Variants in MINDY2 observed in about 807,000 individuals in gnomAD.
The protein encoded by MINDY2 is MINDY lysine 48 deubiquitinase 2, also known as ubiquitin carboxyl-terminal hydrolase MINDY-2.
A neutral mutation model predicts 68.2 loss-of-function variants in MINDY2; 52 were observed. That is an observed-to-expected ratio of 0.76 (90% confidence interval 0.61 to 0.96). The LOEUF is 0.96. Among genes scored for constraint, MINDY2 ranks in the 40% least tolerant of loss-of-function variants. The probability of loss-of-function intolerance (pLI) is 0.00; values close to 1 mark genes in which losing one functional copy is unlikely to be tolerated. For synonymous variants in MINDY2, 372 were observed against 303.0 expected, an observed-to-expected ratio of 1.23 and a Z score of -2.36; for missense variants, 881 against 773.4, an observed-to-expected ratio of 1.14 and a Z score of -1.65.
chr15:58,859,471 T>C lies in MINDY2; in HGVS notation c.*4861T>C, dbSNP rs1259970091. The C allele has an allele frequency of 6.6e-6, 1 of 152,184 alleles. No homozygotes were observed. Among genetic ancestry groups the C allele is most frequent in the African/African-American group, 2.4e-5 (1 of 41,446 alleles). The allele number at this position is 152,184 out of a possible 1,614,324, so 9.4% of individuals were successfully genotyped here. ...CCTTTTAGAAAGTGACTGAAAATGG[T>C]AAAGGAACTCATCAGAATCTTAGCG... is the stretch of plus-strand genomic sequence containing the variant. On this transcript the variant is annotated 3_prime_UTR_variant, in exon 9 of 9. Transcript: ENST00000559228.
At chr15:58,796,007 C>G (rs1488309892) in intron 2 of MINDY2, 2 of 442,724 alleles carry the variant, frequency 4.5e-6, no homozygotes, top group East Asian at 7.0e-5. Flanking sequence ...CTCTTTATGA[C>G]TTGGCAGTGT....
chr15:58,816,060 T>G (rs1178132502), intron 4 of MINDY2, among the ~76,000 whole-genome samples: 2 of 152,230 alleles, frequency 1.3e-5, no homozygotes, highest in Non-Finnish European at 2.9e-5. Flanking sequence ...CAGCATAGTA[T>G]TTAGAACAGT....
intron 8 of MINDY2, among the ~76,000 whole-genome samples, chr15:58,852,429 G>A (rs1430467668): frequency 6.6e-5 from 10 of 151,832 alleles, no homozygotes; most frequent in Non-Finnish European, 1.0e-4. Flanking sequence ...CTTGTATCTC[G>A]TTTAGTAAAA....
chr15:58,782,911 GTTT>G (rs1157376592), intron 1 of MINDY2, among the ~76,000 whole-genome samples: 17 of 64,492 alleles, frequency 2.6e-4, no homozygotes, highest in East Asian at 8.1e-4. Context: ...TTTTCTCTCT[GTTT>G]TTTTTTTTTT....
intron 8 of MINDY2, among the ~76,000 whole-genome samples, chr15:58,852,922 G>GTTTTTGTTTT (rs2032893601): frequency 2.0e-5 from 1 of 48,930 alleles, no homozygotes; most frequent in Non-Finnish European, 4.0e-5. Context: ...TGCTGTTCCT[G>GTTTTTGTTTT]TTTTTTTTTT....
intron 6 of MINDY2, among the ~76,000 whole-genome samples, chr15:58,839,989 C>T (rs983768727): frequency 6.6e-6 from 1 of 152,018 alleles, no homozygotes; most frequent in African/African-American, 2.4e-5. Context: ...TGTGCCACCA[C>T]GCTCAGCTAA....
chr15:58,812,779 G>A (rs550365017), intron 4 of MINDY2, among the ~76,000 whole-genome samples: 2 of 152,304 alleles, frequency 1.3e-5, no homozygotes, highest in East Asian at 1.9e-4. Flanking sequence ...GATCACTTGT[G>A]CCCAGGAGGT....
intron 6 of MINDY2, among the ~76,000 whole-genome samples, chr15:58,839,751 G>A (rs2141039299): frequency 6.6e-6 from 1 of 152,000 alleles, no homozygotes; most frequent in Admixed American, 6.5e-5. Context: ...ACCTGCACCT[G>A]GACAAAGTAT....
intron 2 of MINDY2, among the ~76,000 whole-genome samples, chr15:58,798,628 G>A (rs1442320275): frequency 6.6e-6 from 1 of 151,610 alleles, no homozygotes; most frequent in Non-Finnish European, 1.5e-5. Context: ...GCTAATTTTT[G>A]TATTTTTAGT....
rs1392392039 is a variant in MINDY2 at position 58,797,484 on chromosome 15, GGTGACAAA to G, written c.899-4824_899-4817del. The stretch of plus-strand genomic sequence containing the variant: ...GTTTGTGCCACTGTACTCCAGCCTG[GGTGACAAA>G]GTGAGACCCTATCTCAAACAAACAA... On this transcript the variant is annotated intron_variant, in intron 2 of 8. Transcript: ENST00000559228. Among the ~76,000 whole-genome samples the G allele has an allele frequency of 2.0e-5, 3 of 152,092 alleles. No individual in the cohort carries two copies. In the East Asian group the frequency reaches 5.8e-4, roughly 29 times the overall value.
At chr15:58,833,614 CAAGGT>C (rs1387971343) in intron 6 of MINDY2, among the ~76,000 whole-genome samples, 1 of 152,088 alleles carries the variant, frequency 6.6e-6, no homozygotes, top group Non-Finnish European at 1.5e-5. Flanking sequence ...GCATCATAAA[CAAGGT>C]AAAGAAAAAA....
At chr15:58,843,553 T>G (rs1342724273) in intron 6 of MINDY2, among the ~76,000 whole-genome samples, 1 of 152,148 alleles carries the variant, frequency 6.6e-6, no homozygotes, top group Admixed American at 6.6e-5. Flanking sequence ...GAAAACCTAT[T>G]CTGTCCAGAA....
chr15:58,796,213 G>A (rs1320787400), intron 2 of MINDY2: 2 of 448,258 alleles, frequency 4.5e-6, no homozygotes, highest in African/African-American at 2.0e-5. Flanking sequence ...ACTTGTATCC[G>A]GCTTTGAAGC....
chr15:58,780,028 A>G (rs537118965), intron 1 of MINDY2, among the ~76,000 whole-genome samples: 1 of 152,334 alleles, frequency 6.6e-6, no homozygotes, highest in East Asian at 1.9e-4. Context: ...ATTATTTTAC[A>G]TGCATTGTAT....
intron 6 of MINDY2, among the ~76,000 whole-genome samples, chr15:58,833,072 G>T (rs1041873215): frequency 3.9e-4 from 59 of 151,944 alleles, no homozygotes; most frequent in African/African-American, 1.3e-3. Context: ...ATCTCTTATA[G>T]CCATTCTTTT....
At chr15:58,787,428 T>C (rs1451632194) in intron 1 of MINDY2, among the ~76,000 whole-genome samples, 1 of 152,032 alleles carries the variant, frequency 6.6e-6, no homozygotes, top group African/African-American at 2.4e-5. Flanking sequence ...ACCTAATAAA[T>C]AGAATAATAC....
chr15:58,860,062 A>T lies in MINDY2; in HGVS notation c.*5452A>T, dbSNP rs2033172844. The T allele has an allele frequency of 6.6e-6, 1 of 152,192 alleles. No homozygotes were observed. The highest frequency in any genetic ancestry group is 2.4e-5 in the African/African-American group (1 of 41,458). 9.4% of individuals were successfully genotyped at this position (152,192 alleles called of 1,614,324 possible). A position where few individuals can be genotyped will look rare whatever the true frequency, so the allele number is the denominator to read the frequency against. On this transcript the variant is annotated 3_prime_UTR_variant, in exon 9 of 9. Transcript: ENST00000559228. ...ACCCCAGTAGACTTCTTCTTCTGCC[A>T]TTAAGTCTCTCTTTATCTGATATTC...
At chr15:58,830,732 C>T (rs1004237786) in intron 5 of MINDY2, among the ~76,000 whole-genome samples, 1 of 152,070 alleles carries the variant, frequency 6.6e-6, no homozygotes, top group African/African-American at 2.4e-5. Flanking sequence ...CAACAGAAAG[C>T]ATAAAAATGT....
At chr15:58,827,191 A>G (rs2031451598) in intron 5 of MINDY2, among the ~76,000 whole-genome samples, 1 of 152,146 alleles carries the variant, frequency 6.6e-6, no homozygotes, top group African/African-American at 2.4e-5. Flanking sequence ...CCAGGTTTTT[A>G]TATTGTAAAG....
Sources: gnomAD v4.1 joint callset for allele counts (sites outside exome capture counted in the v4.1 genomes callset) on GRCh38, gnomAD v4.1.1 for gene constraint, MANE v1.5 for transcripts, NCBI Gene and HGNC (gene_info 2026-07-23, HGNC 2026-07-21) for gene names.